PRKG1: variants seen among roughly 807,000 people sequenced by gnomAD.
The protein encoded by PRKG1 is cGMP-dependent protein kinase 1.
In PRKG1, 35 loss-of-function variants were observed where a neutral mutation model predicts 88.1. That is an observed-to-expected ratio of 0.40 (90% confidence interval 0.30 to 0.53). The LOEUF (loss-of-function observed/expected upper bound fraction) is 0.53, where lower values mean the gene tolerates loss of function less well. Among genes scored for constraint, PRKG1 ranks in the 20% least tolerant of loss-of-function variants. The pLI, the probability that PRKG1 is intolerant of heterozygous loss-of-function variation, is 0.59. For synonymous variants in PRKG1, 303 were observed against 292.5 expected, an observed-to-expected ratio of 1.04 and a Z score of -0.37; for missense variants, 540 against 839.8, an observed-to-expected ratio of 0.64 and a Z score of 4.41.
At chr10:51,159,424 A>G (rs1193978843) in intron 2 of PRKG1, among the ~76,000 whole-genome samples, 3 of 152,158 alleles carry the variant, frequency 2.0e-5, no homozygotes, top group Non-Finnish European at 4.4e-5. Context: ...TCGTTGAAAT[A>G]CAAATGTACT....
intron 5 of PRKG1, among the ~76,000 whole-genome samples, chr10:51,947,076 C>T (rs1240934039): frequency 2.6e-5 from 4 of 152,074 alleles, no homozygotes; most frequent in African/African-American, 9.7e-5. Context: ...GTGGAGCCTA[C>T]AGAGGCAGGC....
chr10:51,934,129 A>G (rs1344081642), intron 5 of PRKG1, among the ~76,000 whole-genome samples: 2 of 152,132 alleles, frequency 1.3e-5, no homozygotes, highest in African/African-American at 4.8e-5. Context: ...CTTTGCTCAT[A>G]TGATTCAAAA....
At chr10:51,435,744 G>T (rs1413032969) in intron 2 of PRKG1, among the ~76,000 whole-genome samples, 1 of 151,992 alleles carries the variant, frequency 6.6e-6, no homozygotes, top group Non-Finnish European at 1.5e-5. Context: ...GCATGAGGTG[G>T]AATGGGAATT....
rs1840314183 is a variant in PRKG1 at position 51,480,187 on chromosome 10, T to C, written c.592+12351T>C. Among the ~76,000 whole-genome samples, 3 of 152,116 alleles carry C rather than the reference T, an allele frequency of 2.0e-5. No individual in the cohort carries two copies. The South Asian group carries it at 6.2e-4, about 32-fold the overall frequency. On this transcript the variant is annotated intron_variant, in intron 3 of 17. Coordinates refer to ENST00000373980, the MANE Select transcript of PRKG1 (RefSeq NM_006258.4). ...CCTATAAACTGATTCTCAATTATTA[T>C]TAATGTTTGAGAAAAATGTGTTAGT...
chr10:52,145,437 T>G (rs1417471848), intron 8 of PRKG1, among the ~76,000 whole-genome samples: 1 of 152,222 alleles, frequency 6.6e-6, no homozygotes, highest in Non-Finnish European at 1.5e-5. Flanking sequence ...CTTAATTTCT[T>G]CAGTTAAAAA....
At chr10:51,944,625 A>T (rs1842984580) in intron 5 of PRKG1, among the ~76,000 whole-genome samples, 1 of 152,014 alleles carries the variant, frequency 6.6e-6, no homozygotes, top group Non-Finnish European at 1.5e-5. Flanking sequence ...CACTGCTTTG[A>T]ATGTGTCCCA....
intron 3 of PRKG1, among the ~76,000 whole-genome samples, chr10:51,705,628 G>C (rs545703382): frequency 7.7e-4 from 117 of 152,288 alleles, no homozygotes; most frequent in African/African-American, 2.6e-3. Flanking sequence ...TGAGCACTTA[G>C]TAGGGAGAAG....
At chr10:51,365,312 T>C (rs1842567081) in intron 2 of PRKG1, among the ~76,000 whole-genome samples, 1 of 151,890 alleles carries the variant, frequency 6.6e-6, no homozygotes, top group Non-Finnish European at 1.5e-5. Flanking sequence ...TCTCTTTCCA[T>C]ACTGTCATCC....
At chr10:51,456,235 GC>G (rs748658860) in intron 2 of PRKG1, among the ~76,000 whole-genome samples, 42 of 151,954 alleles carry the variant, frequency 2.8e-4, no homozygotes, top group Non-Finnish European at 4.6e-4. Context: ...GGGGGAAACC[GC>G]CCCCCATGAT....
chr10:51,212,305 A>G (rs1838244536), intron 2 of PRKG1, among the ~76,000 whole-genome samples: 1 of 152,160 alleles, frequency 6.6e-6, no homozygotes, highest in South Asian at 2.1e-4. Context: ...CACCTTATAC[A>G]AAAATTAATT....
chr10:51,052,583 C>T (rs1458401799), intron 1 of PRKG1, among the ~76,000 whole-genome samples: 1 of 152,200 alleles, frequency 6.6e-6, no homozygotes, highest in African/African-American at 2.4e-5. Flanking sequence ...TTACTCCATA[C>T]TCCACATTGG....
intron 9 of PRKG1, among the ~76,000 whole-genome samples, chr10:52,217,937 G>A (rs564421436): frequency 1.5e-4 from 23 of 152,214 alleles, no homozygotes; most frequent in African/African-American, 5.1e-4. Flanking sequence ...CTTACAGCTG[G>A]GAGCCGTGGC....
chr10:51,776,547 G>C lies in PRKG1; in HGVS notation c.593-28038G>C, dbSNP rs574896758. Reference sequence around the variant, plus strand: ...ATAACTTTCTACTAAAATATAGGCCGGGCATGGTGGTTCATGCCTGTAAAC... The same window carrying C: ...ATAACTTTCTACTAAAATATAGGCCCGGCATGGTGGTTCATGCCTGTAAAC... On this transcript the variant is annotated intron_variant, in intron 3 of 17. Transcript: ENST00000373980. Among the ~76,000 whole-genome samples, 11 of 152,188 alleles carry C rather than the reference G, an allele frequency of 7.2e-5. No homozygotes were observed. In the South Asian group the frequency reaches 1.9e-3, roughly 26 times the overall value.
intron 2 of PRKG1, among the ~76,000 whole-genome samples, chr10:51,380,150 T>G (rs939843127): frequency 6.6e-6 from 1 of 152,170 alleles, no homozygotes; most frequent in Non-Finnish European, 1.5e-5. Flanking sequence ...TGCCTTATTT[T>G]CCTCCAAAGC....
chr10:51,415,772 G>T (rs550748222), intron 2 of PRKG1, among the ~76,000 whole-genome samples: 4 of 152,084 alleles, frequency 2.6e-5, no homozygotes, highest in Admixed American at 6.6e-5. Context: ...ACTGCCCACC[G>T]CTTTATTAGT....
intron 9 of PRKG1, among the ~76,000 whole-genome samples, chr10:52,221,871 T>G (rs1840253905): frequency 6.6e-6 from 1 of 152,162 alleles, no homozygotes; most frequent in Admixed American, 6.5e-5. Context: ...ACACTAAAAA[T>G]TAAGGGAGAT....
intron 3 of PRKG1, among the ~76,000 whole-genome samples, chr10:51,504,053 G>A (rs1051884073): frequency 6.6e-6 from 1 of 152,062 alleles, no homozygotes; most frequent in African/African-American, 2.4e-5. Context: ...TTATTTATTG[G>A]GATAATCACT....
At chr10:51,400,689 G>A (rs892647734) in intron 2 of PRKG1, among the ~76,000 whole-genome samples, 3 of 152,286 alleles carry the variant, frequency 2.0e-5, no homozygotes, top group Non-Finnish European at 2.9e-5. Flanking sequence ...TGAAACTCCC[G>A]GCACAAATGT....
chr10:51,164,141 C>T (rs895329117), intron 2 of PRKG1, among the ~76,000 whole-genome samples: 1 of 152,194 alleles, frequency 6.6e-6, no homozygotes, highest in African/African-American at 2.4e-5. Flanking sequence ...AACTGGGAGG[C>T]ACCCCCCAGT....
Sources: allele counts gnomAD v4.1 joint callset (sites outside exome capture counted in the v4.1 genomes callset), GRCh38; gene constraint gnomAD v4.1.1; transcripts MANE v1.5; gene names NCBI Gene and HGNC (gene_info 2026-07-23, HGNC 2026-07-21).